L3MBTL4: variants seen among roughly 807,000 people sequenced by gnomAD.
The protein encoded by L3MBTL4 is lethal(3)malignant brain tumor-like protein 4.
A neutral mutation model predicts 84.5 loss-of-function variants in L3MBTL4; 70 were observed. That is an observed-to-expected ratio of 0.83 (90% CI 0.68 to 1.01). L3MBTL4 has a LOEUF of 1.01. Ranked by LOEUF, L3MBTL4 falls within the 50% of genes least tolerant of loss-of-function variation. The pLI, the probability that L3MBTL4 is intolerant of heterozygous loss-of-function variation, is 0.00. For missense variants in L3MBTL4, 715 were observed against 754.8 expected, an observed-to-expected ratio of 0.95 and a Z score of 0.62; for synonymous variants, 274 against 259.8, an observed-to-expected ratio of 1.05 and a Z score of -0.52.
intron 4 of L3MBTL4, among the ~76,000 whole-genome samples, chr18:6,283,346 G>A (rs1052194762): frequency 6.6e-5 from 10 of 152,146 alleles, no homozygotes; most frequent in Non-Finnish European, 1.2e-4. Context: ...AAAGGCTTGT[G>A]AGAAACATAT....
intron 1 of L3MBTL4, chr18:6,367,257 A>G (rs141109195): frequency 4.4e-4 from 67 of 152,418 alleles, no homozygotes; most frequent in African/African-American, 1.5e-3. Context: ...AAACTTACCT[A>G]GAAACCATCA....
intron 8 of L3MBTL4, among the ~76,000 whole-genome samples, chr18:6,240,689 G>A (rs556973867): frequency 1.1e-4 from 16 of 152,236 alleles, no homozygotes; most frequent in African/African-American, 2.2e-4. Flanking sequence ...GCAACTTCAC[G>A]TTTTAATAGC....
chr18:5,958,087 A>G (rs1265134601), intron 18 of L3MBTL4, among the ~76,000 whole-genome samples: 31 of 66,762 alleles, frequency 4.6e-4, no homozygotes, highest in African/African-American at 4.1e-3. Context: ...AAGAAGAAGA[A>G]GAAGAAGAAG....
chr18:6,354,614 A>G (rs949714205), intron 1 of L3MBTL4, among the ~76,000 whole-genome samples: 2 of 152,168 alleles, frequency 1.3e-5, no homozygotes, highest in Admixed American at 1.3e-4. Context: ...TTAAAAATGC[A>G]TAAAAGATTT....
At chr18:6,214,463 A>G (rs2046242426) in intron 11 of L3MBTL4, among the ~76,000 whole-genome samples, 1 of 152,234 alleles carries the variant, frequency 6.6e-6, no homozygotes, top group Admixed American at 6.5e-5. Flanking sequence ...GCTATTACAC[A>G]TAAAAGTGTT....
chr18:6,216,930 G>A (rs1211688772), intron 10 of L3MBTL4, among the ~76,000 whole-genome samples: 2 of 152,024 alleles, frequency 1.3e-5, no homozygotes, highest in African/African-American at 2.4e-5. Flanking sequence ...GTATAAAATA[G>A]AGTCAACAAT....
At chr18:6,259,047 G>A (rs2048280211) in intron 5 of L3MBTL4, 2 of 152,318 alleles carry the variant, frequency 1.3e-5, no homozygotes, top group Non-Finnish European at 2.9e-5. Flanking sequence ...ACGTGGCACA[G>A]GGGCACCCAG....
At chr18:6,020,538 G>C (rs1203204991) in intron 16 of L3MBTL4, among the ~76,000 whole-genome samples, 1 of 152,138 alleles carries the variant, frequency 6.6e-6, no homozygotes, top group Admixed American at 6.5e-5. Flanking sequence ...AGGAGAATAA[G>C]ATGTAGGGAA....
chr18:6,144,966 C>A (rs28566654), intron 13 of L3MBTL4, among the ~76,000 whole-genome samples: 1 of 152,296 alleles, frequency 6.6e-6, no homozygotes, highest in Non-Finnish European at 1.5e-5. Flanking sequence ...AGTGATCTGT[C>A]ATGCAAGAAT....
intron 16 of L3MBTL4, among the ~76,000 whole-genome samples, chr18:6,041,864 A>G (rs1175276729): frequency 2.0e-5 from 3 of 151,948 alleles, no homozygotes; most frequent in African/African-American, 7.3e-5. Flanking sequence ...AGCTGGGACT[A>G]TAGGTGTGTG....
Position 6,333,390 on chromosome 18 carries a change from T to C in L3MBTL4, c.-90-21334A>G, listed in dbSNP as rs183872412. On this transcript the variant is annotated intron_variant, in intron 1 of 18. Transcript: ENST00000317931. Reference sequence around the variant, plus strand: ...GAGATCGAGACCATCCTGGCCAACATGGTGAAACCCCATCTCTACTAACAA... The same window carrying C: ...GAGATCGAGACCATCCTGGCCAACACGGTGAAACCCCATCTCTACTAACAA... Among the ~76,000 whole-genome samples the C allele has an allele frequency of 1.2e-3, 183 of 152,116 alleles. 1 individual carries two copies. Among genetic ancestry groups the C allele is most frequent in the African/African-American group, 4.2e-3 (176 of 41,510 alleles).
At chr18:6,068,023 T>C (rs2057455376) in intron 16 of L3MBTL4, among the ~76,000 whole-genome samples, 1 of 152,208 alleles carries the variant, frequency 6.6e-6, no homozygotes, top group Non-Finnish European at 1.5e-5. Context: ...TCATTTATTA[T>C]AGCCTAATTT....
At chr18:6,383,228 G>A (rs72866704) in intron 1 of L3MBTL4, among the ~76,000 whole-genome samples, 1,985 of 152,228 alleles carry the variant, frequency 0.013, 21 homozygotes, top group Middle Eastern at 0.092. Flanking sequence ...TCAACCCACT[G>A]GATCTTAGTT....
intron 12 of L3MBTL4, among the ~76,000 whole-genome samples, chr18:6,178,066 C>T (rs1294286013): frequency 2.6e-5 from 4 of 151,790 alleles, no homozygotes; most frequent in South Asian, 2.1e-4. Context: ...CCTGGGAATC[C>T]GACTGCAGAA....
chr18:6,031,566 A>G, intron 16 of L3MBTL4: 1 of 948,902 alleles, frequency 1.1e-6, no homozygotes, highest in Non-Finnish European at 1.3e-6. Context: ...TTCTGATTTC[A>G]GCAGGGCTCA....
chr18:6,135,214 C>T (rs1185415206), intron 14 of L3MBTL4, among the ~76,000 whole-genome samples: 1 of 152,056 alleles, frequency 6.6e-6, no homozygotes, highest in Non-Finnish European at 1.5e-5. Flanking sequence ...AGGCTGCACA[C>T]AACTGGGCCC....
intron 1 of L3MBTL4, among the ~76,000 whole-genome samples, chr18:6,373,205 C>T (rs59509775): frequency 0.14 from 21,342 of 152,136 alleles, 2,245 homozygotes; most frequent in East Asian, 0.3. Context: ...GTTTGCGCAT[C>T]CTTGTCTCTG....
At chr18:6,031,149 T>C in intron 16 of L3MBTL4, 1 of 985,440 alleles carries the variant, frequency 1.0e-6, no homozygotes. Context: ...ACCCAGCTCT[T>C]GTCCTGATTT....
chr18:5,998,429 C>T (rs1219527244), intron 16 of L3MBTL4, among the ~76,000 whole-genome samples: 1 of 152,110 alleles, frequency 6.6e-6, no homozygotes, highest in South Asian at 2.1e-4. Context: ...GAGAATGTTT[C>T]GCCTGAGGAC....
Sources: gnomAD v4.1 joint callset for allele counts (sites outside exome capture counted in the v4.1 genomes callset) on GRCh38, gnomAD v4.1.1 for gene constraint, MANE v1.5 for transcripts, NCBI Gene and HGNC (gene_info 2026-07-23, HGNC 2026-07-21) for gene names.